The following DAB1 variants were observed in gnomAD, a reference collection of about 807,000 sequenced individuals.
DAB1 encodes disabled homolog 1.
DAB1 carries 15 observed loss-of-function variants against 64.6 expected under a neutral mutation model. The observed-to-expected ratio is 0.23, with a 90% CI of 0.16 to 0.36. The LOEUF (loss-of-function observed/expected upper bound fraction) is 0.36. DAB1 is among the 10% of genes least tolerant of loss of function. The pLI, the probability that DAB1 is intolerant of heterozygous loss-of-function variation, is 1.00. For missense variants in DAB1, 596 were observed against 706.7 expected, an observed-to-expected ratio of 0.84 and a Z score of 1.78; for synonymous variants, 235 against 251.9, an observed-to-expected ratio of 0.93 and a Z score of 0.64.
At chr1:57,433,239 G>T (rs997914858) in intron 7 of DAB1, among the ~76,000 whole-genome samples, 1 of 152,050 alleles carries the variant, frequency 6.6e-6, no homozygotes, top group Non-Finnish European at 1.5e-5. Flanking sequence ...AATGCAAAGG[G>T]ACTTGGAATA....
chr1:58,429,113 T>C (rs928912305), intron 3 of DAB1, among the ~76,000 whole-genome samples: 5 of 152,216 alleles, frequency 3.3e-5, no homozygotes, highest in African/African-American at 4.8e-5. Context: ...ACAATTACTA[T>C]GTGCAAGGGC....
At chr1:58,329,558 C>T (rs1444886251) in intron 4 of DAB1, among the ~76,000 whole-genome samples, 1 of 152,132 alleles carries the variant, frequency 6.6e-6, no homozygotes, top group Non-Finnish European at 1.5e-5. Flanking sequence ...TATTGTGATT[C>T]TCTTTATTGT....
chr1:58,083,447 G>A (rs1182926467), intron 5 of DAB1, among the ~76,000 whole-genome samples: 1 of 152,224 alleles, frequency 6.6e-6, no homozygotes, highest in African/African-American at 2.4e-5. Context: ...TGCCCAGTGT[G>A]CGGGGCAGCT....
intron 1 of DAB1, among the ~76,000 whole-genome samples, chr1:57,390,268 T>A (rs553339825): frequency 6.6e-6 from 1 of 152,236 alleles, no homozygotes; most frequent in Non-Finnish European, 1.5e-5. Flanking sequence ...GTTCCATCTA[T>A]AATATTCATT....
Position 57,906,042 on chromosome 1 carries a change from G to T in DAB1, n.388-21880C>A, listed in dbSNP as rs138795361. On this transcript the variant is annotated intron_variant and non_coding_transcript_variant, in intron 5 of 20. Coordinates refer to the DAB1 transcript ENST00000485760. ...CTTGAAATAGTGATCTCATTTATCA[G>T]TCTTTCTTAAAGCTAAGTATGTCCA... Among the ~76,000 whole-genome samples the T allele has an allele frequency of 1.8e-3, 276 of 152,250 alleles. 1 individual carries two copies. Among genetic ancestry groups the T allele is most frequent in the African/African-American group, 6.4e-3 (264 of 41,556 alleles).
chr1:58,090,902 C>G (rs556725598), intron 5 of DAB1, among the ~76,000 whole-genome samples: 1 of 152,190 alleles, frequency 6.6e-6, no homozygotes, highest in African/African-American at 2.4e-5. Flanking sequence ...AGGGTGAGTA[C>G]GAGTTCTCTA....
intron 1 of DAB1, among the ~76,000 whole-genome samples, chr1:57,300,917 C>T (rs1673591495): frequency 1.3e-5 from 2 of 151,844 alleles, no homozygotes; most frequent in South Asian, 4.1e-4. Flanking sequence ...CAGGGGCCAC[C>T]ACAGTGGGAT....
At chr1:58,015,724 A>C (rs938128621) in intron 5 of DAB1, among the ~76,000 whole-genome samples, 1 of 152,178 alleles carries the variant, frequency 6.6e-6, no homozygotes, top group African/African-American at 2.4e-5. Context: ...ACACCTATTG[A>C]AGATTTTATT....
intron 1 of DAB1, among the ~76,000 whole-genome samples, chr1:57,877,516 C>T (rs1644066758): frequency 6.7e-6 from 1 of 150,326 alleles, no homozygotes; most frequent in Admixed American, 6.6e-5. Flanking sequence ...CTTCATTCTG[C>T]TTCATCTTTT....
At chr1:58,010,475 C>T (rs1303669136) in intron 5 of DAB1, among the ~76,000 whole-genome samples, 2 of 152,070 alleles carry the variant, frequency 1.3e-5, no homozygotes, top group African/African-American at 4.8e-5. Context: ...GAACACTTGT[C>T]GGTTTTACCC....
chr1:58,113,318 G>A (rs764603925), intron 5 of DAB1, among the ~76,000 whole-genome samples: 11 of 152,080 alleles, frequency 7.2e-5, no homozygotes, highest in Non-Finnish European at 1.2e-4. Context: ...GTTAAAGATG[G>A]TACCAAGGAT....
At chr1:57,431,693 G>A (rs1685522330) in intron 7 of DAB1, among the ~76,000 whole-genome samples, 1 of 152,170 alleles carries the variant, frequency 6.6e-6, no homozygotes, top group Non-Finnish European at 1.5e-5. Flanking sequence ...TAAATGCACA[G>A]TAGAAACAAA....
intron 7 of DAB1, among the ~76,000 whole-genome samples, chr1:57,436,881 A>C (rs1570517642): frequency 6.6e-6 from 1 of 151,720 alleles, no homozygotes. Context: ...ACAAAAAATT[A>C]CCCGGATGTG....
At position 57,056,568 on chromosome 1, in the gene DAB1, A is replaced by G. The variant is rs542065617; in HGVS notation, c.723+6316T>C. Among the ~76,000 whole-genome samples the G allele has an allele frequency of 4.6e-5, 7 of 152,090 alleles. No homozygotes were observed. The East Asian group carries it at 1.4e-3, about 29-fold the overall frequency. Reference sequence around the variant, plus strand: ...AACAAATTTCAAATTTGTGGTTAGAAGTTCAGCAGAAGTGGGCTTGGCATG... The same window carrying G: ...AACAAATTTCAAATTTGTGGTTAGAGGTTCAGCAGAAGTGGGCTTGGCATG... On this transcript the variant is annotated intron_variant, in intron 9 of 14. Transcript: ENST00000371236.
chr1:58,251,142 C>A (rs1398409928), intron 4 of DAB1, among the ~76,000 whole-genome samples: 1 of 152,194 alleles, frequency 6.6e-6, no homozygotes, highest in Non-Finnish European at 1.5e-5. Context: ...CAGAGCTTGA[C>A]ACATGGTAAG....
At chr1:58,182,113 C>T (rs1436212519) in intron 4 of DAB1, among the ~76,000 whole-genome samples, 2 of 151,998 alleles carry the variant, frequency 1.3e-5, no homozygotes, top group Non-Finnish European at 2.9e-5. Context: ...ATAATTCTGC[C>T]TTCCGGCCTC....
chr1:58,136,163 C>T (rs923045779), intron 5 of DAB1, among the ~76,000 whole-genome samples: 2 of 152,188 alleles, frequency 1.3e-5, no homozygotes, highest in African/African-American at 4.8e-5. Flanking sequence ...TCATCTGAAA[C>T]TAAAGGTCCC....
chr1:57,335,074 T>G (rs1004710561), intron 1 of DAB1, among the ~76,000 whole-genome samples: 1 of 152,178 alleles, frequency 6.6e-6, no homozygotes. Flanking sequence ...AATAAGTTAG[T>G]AGCAACACAT....
rs375050802 is a variant in DAB1 at position 57,548,585 on chromosome 1, A to G, written n.625+101007T>C. Among the ~76,000 whole-genome samples, 11 of 152,348 alleles carry G rather than the reference A, an allele frequency of 7.2e-5. No homozygotes were observed. The South Asian group carries it at 1.0e-3, about 14-fold the overall frequency. ...CTAGCCTTTCAGTGAGACAGTCCAC[A>G]CAATAACTACCTTATGTGATGAGGA... On this transcript the variant is annotated intron_variant and non_coding_transcript_variant, in intron 7 of 20. Coordinates refer to the DAB1 transcript ENST00000485760.
Sources: gnomAD v4.1 joint callset for allele counts (sites outside exome capture counted in the v4.1 genomes callset) on GRCh38, gnomAD v4.1.1 for gene constraint, MANE v1.5 for transcripts, NCBI Gene and HGNC (gene_info 2026-07-23, HGNC 2026-07-21) for gene names.